Variants in RASIP1 observed in about 807,000 individuals in gnomAD.
The protein encoded by RASIP1 is ras-interacting protein 1.
In RASIP1, 20 loss-of-function variants were observed where a neutral mutation model predicts 85.3. The ratio of observed to expected loss-of-function variants is 0.23; its 90% CI spans 0.17 to 0.34. The LOEUF is 0.34. RASIP1 is among the 10% of genes least tolerant of loss of function. The pLI is 1.00. For synonymous variants in RASIP1, 617 were observed against 647.1 expected (o/e 0.95, Z 0.71); for missense variants, 1,170 against 1,390.9 (o/e 0.84, Z 2.53).
At chr19:48,721,039 A>C (rs2033224282) in intron 11 of RASIP1, 42 bp from the exon 12 acceptor site, 3 of 1,495,302 alleles carry the variant, frequency 2.0e-6, no homozygotes, top group African/African-American at 1.4e-5. Flanking sequence ...TGAAAGTGGG[A>C]GTGAGGTAGT....
At chr19:48,722,416 G>C (rs2033265725) in intron 10 of RASIP1, among the ~76,000 whole-genome samples, 2 of 148,156 alleles carry the variant, frequency 1.3e-5, no homozygotes, top group Middle Eastern at 3.4e-3. Flanking sequence ...CCCGGCTCAA[G>C]TGATCCTGGG....
At chr19:48,722,819 G>A (rs923331177) in intron 10 of RASIP1, among the ~76,000 whole-genome samples, 7 of 152,138 alleles carry the variant, frequency 4.6e-5, no homozygotes, top group Admixed American at 4.6e-4. Flanking sequence ...TTGGTATGAG[G>A]ATGCAATATG....
At chr19:48,730,711 C>T (rs1409255654) in intron 4 of RASIP1, among the ~76,000 whole-genome samples, 1 of 152,018 alleles carries the variant, frequency 6.6e-6, no homozygotes, top group African/African-American at 2.4e-5. Flanking sequence ...ATTCCTCAAG[C>T]AATGAATGGG....
At position 48,727,143 on chromosome 19, in the gene RASIP1, G is replaced by T; in HGVS notation, c.1887C>A (p.Val629=). Reference sequence around the variant, plus strand: ...CTTCAGGAGTCAGGGGCACCTCGGGGACCCCCTCAGGGTGGCTTGAAAAAG... The same window carrying T: ...CTTCAGGAGTCAGGGGCACCTCGGGTACCCCCTCAGGGTGGCTTGAAAAAG... ...DRQPENHPEG[V]PEVPLTPEAV... is the part of the protein sequence containing the mutation. The change falls in exon 7 of 12, where the codon GTC becomes GTA. Residue 629 remains valine, a synonymous_variant. Transcript: ENST00000222145. 1.2e-6 allele frequency: 2 copies of T among 1,613,956 alleles called. No homozygotes were observed. The highest frequency in any genetic ancestry group is 1.7e-6 in the Non-Finnish European group (2 of 1,180,028).
chr19:48,737,653 C>G, intron 3 of RASIP1: 1 of 985,414 alleles, frequency 1.0e-6, no homozygotes, highest in South Asian at 4.7e-5. Context: ...TCGCCCCCTT[C>G]TATACTCCAC....
chr19:48,724,774 A>G lies in RASIP1; in HGVS notation c.2314T>C (p.Phe772Leu). ...ELHPDLVSQT[F>L]GYLFFFSNAS... ...TTGGAGAAGAAGAACAAGTAGCCAA[A>G]AGTCTGAGACACGAGGTCAGGGTGC... is the stretch of plus-strand genomic sequence containing the variant. The change falls in exon 9 of 12, where the codon TTT becomes CTT. Residue 772 changes from phenylalanine to leucine, a missense_variant. Phe to Leu is a conservative substitution (Grantham distance 22). Coordinates refer to ENST00000222145, the MANE Select transcript of RASIP1 (RefSeq NM_017805.3). This position sits in a 1 kb window ranked among gnomAD's most constrained non-coding sequence, Gnocchi z 4.6. 6.2e-7 allele frequency: 1 copy of G among 1,614,168 alleles called. No individual in the cohort carries two copies. The highest frequency in any genetic ancestry group is 8.5e-7 in the Non-Finnish European group (1 of 1,180,040).
rs1363887749 is a variant in RASIP1 at position 48,739,227 on chromosome 19, C to A, written c.556G>T (p.Ala186Ser). Reference sequence around the variant, plus strand: ...CCGGGGCCACCGCCGGGGCTGCCTGCTAGGCCGTAGCGCTCTAGCGCCTCG... The same window carrying A: ...CCGGGGCCACCGCCGGGGCTGCCTGATAGGCCGTAGCGCTCTAGCGCCTCG... ...VAEALERYGL[A>S]GSPGGGPGES... Residue 186 changes from alanine to serine, a missense_variant, in exon 3 of 12, where the codon GCA (alanine) becomes TCA (serine). Physicochemically the swap from Ala to Ser is moderately conservative, Grantham distance 99. Coordinates refer to ENST00000222145, the MANE Select transcript of RASIP1 (RefSeq NM_017805.3). The surrounding 1 kb of genome is among the most constrained non-coding windows in gnomAD (Gnocchi z 9.2). The A allele has an allele frequency of 2.0e-6, 3 of 1,480,914 alleles. No homozygotes were observed. The highest frequency in any genetic ancestry group is 2.9e-5 in the African/African-American group (2 of 68,238). The allele number at this position is 1,480,914 out of a possible 1,614,324, so 91.7% of individuals were successfully genotyped here. A position where few individuals can be genotyped will look rare whatever the true frequency, so the allele number is the denominator to read the frequency against.
Position 48,739,363 on chromosome 19 carries a change from G to T in RASIP1, c.420C>A (p.Arg140=). The change falls in exon 3 of 12, where the codon CGC becomes CGA. Residue 140 remains arginine, a synonymous_variant. Transcript: ENST00000222145. This position sits in a 1 kb window ranked among gnomAD's most constrained non-coding sequence, Gnocchi z 9.2. The part of the protein sequence containing the change: ...GVAPEPPLAT[R]ATAPPGVLKI... The stretch of plus-strand genomic sequence containing the variant: ...TGAGGACCCCCGGAGGCGCCGTGGC[G>T]CGGGTAGCCAGCGGGGGCTCGGGGG... 7.4e-7 allele frequency: 1 copy of T among 1,344,246 alleles called. No homozygotes were observed. The highest frequency in any genetic ancestry group is 1.8e-5 in the South Asian group (1 of 54,324). 83.3% of individuals were successfully genotyped at this position (1,344,246 alleles called of 1,614,324 possible).
rs201455569 is a variant in RASIP1, at chr19:48,735,201, C to A, written c.1174G>T (p.Ala392Ser). The change falls in exon 4 of 12, where the codon GCC (alanine) becomes TCC (serine). Residue 392 changes from alanine to serine, a missense_variant. Ala to Ser is a moderately conservative substitution (Grantham distance 99). Coordinates refer to ENST00000222145, the MANE Select transcript of RASIP1 (RefSeq NM_017805.3). The part of the protein sequence containing the change: ...YFLLLQGYQD[A>S]QDFVVYVMTR... ...GGGGCTGGGGCGGCGGTTACCTGGG[C>A]GTCCTGGTAGCCCTGGAGCAGCAGG... 230 of 1,606,722 alleles carry A rather than the reference C, an allele frequency of 1.4e-4. 2 individuals carry two copies. In the Admixed American group the frequency reaches 3.8e-3, roughly 27 times the overall value.
intron 11 of RASIP1, 31 bp from the exon 12 acceptor site, chr19:48,721,028 C>A: frequency 6.5e-7 from 1 of 1,538,946 alleles, no homozygotes. Context: ...CGGTTAGAGT[C>A]TGAAAGTGGG....
intron 4 of RASIP1, among the ~76,000 whole-genome samples, chr19:48,730,927 G>T (rs150674883): frequency 1.1e-3 from 165 of 151,888 alleles, no homozygotes; most frequent in African/African-American, 3.3e-3. Context: ...TGAGGCACAA[G>T]AATCGCTTGA....
Position 48,720,740 on chromosome 19 carries a change from T to C in RASIP1, c.*58A>G, listed in dbSNP as rs2033211299. On this transcript the variant is annotated 3_prime_UTR_variant, in exon 12 of 12. Transcript: ENST00000222145. The stretch of plus-strand genomic sequence containing the variant: ...CAGAAAGCTTTGCGCTCAGGCGGGC[T>C]CCTGTCCGTAGAAGCCCGTGACATT... 3 of 1,562,298 alleles carry C rather than the reference T, an allele frequency of 1.9e-6. No homozygotes were observed. The highest frequency in any genetic ancestry group is 2.6e-6 in the Non-Finnish European group (3 of 1,134,772).
At chr19:48,730,180 T>C (rs1210654823) in intron 4 of RASIP1, among the ~76,000 whole-genome samples, 3 of 148,830 alleles carry the variant, frequency 2.0e-5, no homozygotes, top group Admixed American at 6.7e-5. Flanking sequence ...CCCCTTTTTT[T>C]CTTTGAGACA....
chr19:48,729,703 C>CTTAT, intron 4 of RASIP1, 113 bp from the exon 5 acceptor site: 1 of 753,930 alleles, frequency 1.3e-6, no homozygotes, highest in Non-Finnish European at 2.0e-6. Flanking sequence ...TTTTTTCCTT[C>CTTAT]TTCTTCTTTT....
Position 48,724,722 on chromosome 19 carries a change from T to C in RASIP1, c.2366A>G (p.Glu789Gly), listed in dbSNP as rs756762672. 3 of 1,614,022 alleles carry C rather than the reference T, an allele frequency of 1.9e-6. No individual in the cohort carries two copies. The highest frequency in any genetic ancestry group is 2.5e-6 in the Non-Finnish European group (3 of 1,180,026). ...AGCTCCCAGCCAACCTTCACCTCGT[T>C]CCATCAGCGAGTTGAGAAGGGATGC... Reference protein sequence around the residue: ...SNASLLNSLMERGQGRPFYQW... With the variant: ...SNASLLNSLMGRGQGRPFYQW... Residue 789 changes from glutamate to glycine, a missense_variant, in exon 9 of 12, where the codon GAA (glutamate) becomes GGA (glycine). By Grantham distance (98) the Glu-to-Gly change is moderately conservative. Coordinates refer to ENST00000222145, the MANE Select transcript of RASIP1 (RefSeq NM_017805.3). The surrounding 1 kb of genome is among the most constrained non-coding windows in gnomAD (Gnocchi z 4.6).
In RASIP1 at chr19:48,720,738, G is replaced by C; in HGVS notation, c.*60C>G. The C allele has an allele frequency of 6.4e-7, 1 of 1,551,766 alleles. No homozygotes were observed. Among genetic ancestry groups the C allele is most frequent in the Non-Finnish European group, 8.9e-7 (1 of 1,125,534 alleles). ...CCCAGAAAGCTTTGCGCTCAGGCGG[G>C]CTCCTGTCCGTAGAAGCCCGTGACA... On this transcript the variant is annotated 3_prime_UTR_variant, in exon 12 of 12. Coordinates refer to ENST00000222145, the MANE Select transcript of RASIP1 (RefSeq NM_017805.3).
intron 4 of RASIP1, 108 bp from the exon 5 acceptor site, chr19:48,729,698 T>A: frequency 9.0e-7 from 1 of 1,110,178 alleles, no homozygotes; most frequent in Non-Finnish European, 1.3e-6. Flanking sequence ...ACTTTTTTTT[T>A]CCTTCTTCTT....
chr19:48,723,009 T>A (rs562047450), intron 10 of RASIP1, among the ~76,000 whole-genome samples: 3 of 152,002 alleles, frequency 2.0e-5, no homozygotes, highest in South Asian at 2.1e-4. Context: ...CCTCTGCTTC[T>A]GGAGTGGCTG....
intron 4 of RASIP1, among the ~76,000 whole-genome samples, chr19:48,733,819 TG>T (rs2033510601): frequency 1.5e-5 from 2 of 129,440 alleles, no homozygotes; most frequent in Non-Finnish European, 3.4e-5. Flanking sequence ...AAAAAAAAAG[TG>T]TGGGGGGGAG....
Sources: gnomAD v4.1 joint callset for allele counts (sites outside exome capture counted in the v4.1 genomes callset) on GRCh38, gnomAD v4.1.1 for gene constraint, Gnocchi (gnomAD v3.1) non-coding constraint, MANE v1.5 for transcripts, NCBI Gene and HGNC (gene_info 2026-07-23, HGNC 2026-07-21) for gene names.